SEPTIN4: variants seen among roughly 807,000 people sequenced by gnomAD.
The protein encoded by SEPTIN4 is septin 4.
A neutral mutation model predicts 107.1 loss-of-function variants in SEPTIN4; 52 were observed. That is an observed-to-expected ratio of 0.49 (90% CI 0.39 to 0.61). The LOEUF (loss-of-function observed/expected upper bound fraction) is 0.61. SEPTIN4 is among the 20% of genes least tolerant of loss of function. SEPTIN4 has a pLI of 0.00. For synonymous variants in SEPTIN4, 417 were observed against 467.0 expected (o/e 0.89, Z 1.38); for missense variants, 1,048 against 1,243.5 (o/e 0.84, Z 2.36).
Position 58,520,928 on chromosome 17 carries a change from G to C in SEPTIN4, c.2831+70C>G, listed in dbSNP as rs531698810. 3.1e-6 allele frequency: 5 copies of C among 1,611,354 alleles called. No individual in the cohort carries two copies. In the East Asian group the frequency reaches 8.9e-5, roughly 29 times the overall value. On this transcript the variant is annotated intron_variant, in intron 12 of 13. Transcript: ENST00000672673. ...CAGGGCCTATAGAAGAACAAAAGTA[G>C]GGCTTGGTCTCACCCAAGGCTAGGC...
At chr17:58,534,797 C>T (rs1033525840) in intron 3 of SEPTIN4, among the ~76,000 whole-genome samples, 8 of 152,208 alleles carry the variant, frequency 5.3e-5, no homozygotes, top group African/African-American at 1.9e-4. Context: ...TGTCCTGGCC[C>T]CCTCCACTAG....
At chr17:58,520,907 G>T in intron 12 of SEPTIN4, 65 bp from the exon 13 acceptor site, 1 of 1,612,300 alleles carries the variant, frequency 6.2e-7, no homozygotes, top group Non-Finnish European at 8.5e-7. Flanking sequence ...TGAGCCCAGG[G>T]CCTATAGAAG....
At chr17:58,533,659 T>TA (rs2043608612) in intron 3 of SEPTIN4, among the ~76,000 whole-genome samples, 1 of 151,778 alleles carries the variant, frequency 6.6e-6, no homozygotes, top group Non-Finnish European at 1.5e-5. Context: ...AGACCTGGGG[T>TA]AGATCAGGGG....
chr17:58,523,143 A>G (rs2042453255), intron 7 of SEPTIN4, among the ~76,000 whole-genome samples: 1 of 152,116 alleles, frequency 6.6e-6, no homozygotes, highest in African/African-American at 2.4e-5. Context: ...AGGCCAAGGT[A>G]GGCTGATCAC....
In SEPTIN4 at chr17:58,542,788, TAG is replaced by T. The variant is rs2043915199; in HGVS notation, c.1397_1398del (p.Ser466Ter). 1 of 1,614,048 alleles carries T rather than the reference TAG, an allele frequency of 6.2e-7. No individual in the cohort carries two copies. Among genetic ancestry groups the T allele is most frequent in the Non-Finnish European group, 8.5e-7 (1 of 1,180,036 alleles). On this transcript the variant is annotated frameshift_variant, in exon 1 of 14. Coordinates refer to ENST00000672673, the MANE Select transcript of SEPTIN4 (RefSeq NM_001368771.2). LOFTEE classifies it high-confidence loss of function. ...DLLLSGFKID[S>X]SPFCEDLKFQ... ...AACTTCAGATCCTCACAGAAAGGGCTAGAGTCTATTTTAAAACCGGACAATAA... is the reference window on the plus strand; with the variant it reads ...AACTTCAGATCCTCACAGAAAGGGCTAGTCTATTTTAAAACCGGACAATAA...
intron 3 of SEPTIN4, chr17:58,539,117 G>A (rs1206665989): frequency 6.5e-7 from 1 of 1,530,356 alleles, no homozygotes; most frequent in South Asian, 1.2e-5. Flanking sequence ...CCTACCTCCA[G>A]AGAGTCAGAG....
chr17:58,522,531 G>A (rs1371712001), intron 7 of SEPTIN4, among the ~76,000 whole-genome samples: 1 of 151,746 alleles, frequency 6.6e-6, no homozygotes, highest in African/African-American at 2.4e-5. Context: ...GTGGTGGTGT[G>A]CACCTGAGTA....
At chr17:58,540,804 C>T in intron 2 of SEPTIN4, 131 bp from the exon 3 acceptor site, 2 of 946,800 alleles carry the variant, frequency 2.1e-6, no homozygotes, top group Non-Finnish European at 2.8e-6. Flanking sequence ...GGCCCAATCC[C>T]TTCCTAGTGC....
chr17:58,534,901 C>T (rs1439298085), intron 3 of SEPTIN4, among the ~76,000 whole-genome samples: 1 of 152,156 alleles, frequency 6.6e-6, no homozygotes, highest in Non-Finnish European at 1.5e-5. Context: ...GGTTCAAAGC[C>T]GATAATAAAG....
rs2043798071 is a variant in SEPTIN4, at chr17:58,538,772, C to T, written c.1614+1894G>A. Reference sequence around the variant, plus strand: ...CTTAGACAAAAGGGCTTTGAGGGGCCATTTGGGAAGGGACTGACACTTAAA... The same window carrying T: ...CTTAGACAAAAGGGCTTTGAGGGGCTATTTGGGAAGGGACTGACACTTAAA... On this transcript the variant is annotated intron_variant, in intron 3 of 13. Transcript: ENST00000672673. This position sits in a 1 kb window ranked among gnomAD's most constrained non-coding sequence, Gnocchi z 4.7. Among the ~76,000 whole-genome samples, 1 of 152,178 alleles carries T rather than the reference C, an allele frequency of 6.6e-6. No individual in the cohort carries two copies. The highest frequency in any genetic ancestry group is 1.5e-5 in the Non-Finnish European group (1 of 68,028).
Position 58,521,104 on chromosome 17 carries a change from G to A in SEPTIN4, c.2725C>T (p.His909Tyr). The A allele has an allele frequency of 5.0e-6, 8 of 1,614,132 alleles. No individual in the cohort carries two copies. Among genetic ancestry groups the A allele is most frequent in the Non-Finnish European group, 6.8e-6 (8 of 1,180,034 alleles). The change falls in exon 12 of 14, where the codon CAC (histidine) becomes TAC (tyrosine). Residue 909 changes from histidine (H) to tyrosine (Y), a missense_variant. This residue lies in a region of SEPTIN4 where 261 missense variants were observed against 371.7 expected (regional missense o/e 0.70). Transcript: ENST00000672673. The surrounding 1 kb of genome is among the most constrained non-coding windows in gnomAD (Gnocchi z 6.4). ...VKLRTMLVRT[H>Y]MQDLKDVTRE... ...GTCACATCCTTCAGGTCCTGCATGTGGGTACGTACCAGCATTGTCCTCAGC... is the reference window on the plus strand; with the variant it reads ...GTCACATCCTTCAGGTCCTGCATGTAGGTACGTACCAGCATTGTCCTCAGC...
intron 3 of SEPTIN4, among the ~76,000 whole-genome samples, chr17:58,534,320 G>A (rs1024760423): frequency 8.5e-5 from 13 of 152,184 alleles, no homozygotes; most frequent in African/African-American, 3.1e-4. Flanking sequence ...CTTGGCCTGG[G>A]CACAAGTCCC....
At chr17:58,534,192 ACAGGC>A (rs2043632694) in intron 3 of SEPTIN4, among the ~76,000 whole-genome samples, 1 of 152,202 alleles carries the variant, frequency 6.6e-6, no homozygotes, top group African/African-American at 2.4e-5. Context: ...TCACTGTACC[ACAGGC>A]CTAACATGAG....
At chr17:58,526,533 G>T in intron 4 of SEPTIN4, 149 bp downstream of exon 4, 1 of 1,398,410 alleles carries the variant, frequency 7.2e-7, no homozygotes, top group South Asian at 1.7e-5. Context: ...AGCTAGGGCT[G>T]ACACAGGACT....
intron 3 of SEPTIN4, chr17:58,530,560 G>A (rs934951206): frequency 4.6e-5 from 7 of 152,432 alleles, no homozygotes; most frequent in African/African-American, 1.7e-4. Context: ...GGGGTGGAGG[G>A]GGGTGTGTCT....
chr17:58,528,002 C>A, intron 3 of SEPTIN4: 1 of 985,360 alleles, frequency 1.0e-6, no homozygotes, highest in South Asian at 4.7e-5. Flanking sequence ...CCTAAAGATT[C>A]TCCTCTCCTT....
chr17:58,526,213 T>G lies in SEPTIN4; in HGVS notation c.2005+7A>C, dbSNP rs1186247856. On this transcript the variant is annotated splice_region_variant and intron_variant, in intron 5 of 13. Coordinates refer to ENST00000672673, the MANE Select transcript of SEPTIN4 (RefSeq NM_001368771.2). ...CCCTGCCCAACCCAGCCCTGCCCCTTTTTTACCTGCCACCATGAGGGTAAA... is the reference window on the plus strand; with the variant it reads ...CCCTGCCCAACCCAGCCCTGCCCCTGTTTTACCTGCCACCATGAGGGTAAA... 1.3e-6 allele frequency: 2 copies of G among 1,583,990 alleles called. No individual in the cohort carries two copies. Among genetic ancestry groups the G allele is most frequent in the Admixed American group, 3.6e-5 (2 of 55,206 alleles).
chr17:58,537,595 G>T (rs1179378348), intron 3 of SEPTIN4, among the ~76,000 whole-genome samples: 1 of 152,140 alleles, frequency 6.6e-6, no homozygotes, highest in African/African-American at 2.4e-5. Flanking sequence ...ACTTTGGGAG[G>T]CTGAGGTGGG....
At position 58,542,959 on chromosome 17, in the gene SEPTIN4, G is replaced by A; in HGVS notation, c.1228C>T (p.Pro410Ser). The change falls in exon 1 of 14, where the codon CCT (proline) becomes TCT (serine). Residue 410 changes from proline (P) to serine (S), a missense_variant. Physicochemically the swap from Pro to Ser is moderately conservative, Grantham distance 74. Coordinates refer to ENST00000672673, the MANE Select transcript of SEPTIN4 (RefSeq NM_001368771.2). ...AAGGACCGAGGAGGCAAGGGCCTAG[G>A]GGTCAGTTCCAGTTCTGCATGGATG... Reference protein sequence around the residue: ...PSIHAELELTPRPLPPRSLPR... With the variant: ...PSIHAELELTSRPLPPRSLPR... 1 of 1,614,204 alleles carries A rather than the reference G, an allele frequency of 6.2e-7. No homozygotes were observed. Among genetic ancestry groups the A allele is most frequent in the Non-Finnish European group, 8.5e-7 (1 of 1,180,020 alleles).
Sources: gnomAD v4.1 joint callset for allele counts (sites outside exome capture counted in the v4.1 genomes callset) on GRCh38, gnomAD v4.1.1 for gene constraint, gnomAD v4.1.1 regional missense constraint, Gnocchi (gnomAD v3.1) non-coding constraint, MANE v1.5 for transcripts, NCBI Gene and HGNC (gene_info 2026-07-23, HGNC 2026-07-21) for gene names.